The following IL11RA variants were observed in gnomAD, a reference collection of about 807,000 sequenced individuals.
The protein encoded by IL11RA is interleukin-11 receptor subunit alpha.
IL11RA carries 51 observed loss-of-function variants against 57.0 expected under a neutral mutation model. That is an observed-to-expected ratio of 0.89 (90% CI 0.71 to 1.13). The LOEUF (loss-of-function observed/expected upper bound fraction) is 1.13. Ranked by LOEUF, IL11RA falls within the 50% of genes most tolerant of loss-of-function variation. The pLI is 0.00. For missense variants in IL11RA, 498 were observed against 539.4 expected (o/e 0.92, Z 0.76); for synonymous variants, 199 against 217.5 (o/e 0.91, Z 0.75).
In IL11RA at chr9:34,660,353, T is replaced by TC; in HGVS notation, c.1034dup (p.Pro346SerfsTer13). 1 of 1,614,162 alleles carries TC rather than the reference T, an allele frequency of 6.2e-7. No homozygotes were observed. Among genetic ancestry groups the TC allele is most frequent in the South Asian group, 1.1e-5 (1 of 91,080 alleles). Reference sequence around the variant, plus strand: ...TGGAGCCTCAGGTGGACAGCCCTGCTCCTCCAAGGCCCTCCCTCCAACCAC... The same window carrying TC: ...TGGAGCCTCAGGTGGACAGCCCTGCTCCCTCCAAGGCCCTCCCTCCAACCAC... On this transcript the variant is annotated frameshift_variant, in exon 10 of 13. Transcript: ENST00000441545. LOFTEE classifies it high-confidence loss of function.
chr9:34,660,559 T>G lies in IL11RA; in HGVS notation c.1128T>G (p.Ser376=). 1.2e-6 allele frequency: 2 copies of G among 1,614,192 alleles called. No individual in the cohort carries two copies. The highest frequency in any genetic ancestry group is 2.7e-5 in the African/African-American group (2 of 75,038). The change falls in exon 11 of 13, where the codon TCT becomes TCG. Residue 376 remains serine, a synonymous_variant. Coordinates refer to ENST00000441545, the MANE Select transcript of IL11RA (RefSeq NM_001142784.3). ...VAVLASLGIL[S]FLGLVAGALA... is the part of the protein sequence containing the mutation. ...TGCTGGCGTCTTTGGGAATCCTTTC[T>G]TTCCTGGGACTGGTGGCTGGGGCCC...
rs145952217 is a variant in IL11RA at position 34,653,297 on chromosome 9, C to T, written c.-1+1064C>T. ...CTGTGCCCGTGTGACTGTGAGTGAC[C>T]GCATGTGAGAGTGTATGAGTCTGAG... On this transcript the variant is annotated intron_variant, in intron 1 of 12. Transcript: ENST00000441545. The surrounding 1 kb of genome is among the most constrained non-coding windows in gnomAD (Gnocchi z 4.5). 3.1e-3 allele frequency among the ~76,000 whole-genome samples: 470 copies of T among 152,176 alleles called. 3 individuals are homozygous for T. The highest frequency in any genetic ancestry group is 0.01 in the African/African-American group (433 of 41,508).
At chr9:34,655,991 A>G in intron 3 of IL11RA, 1 of 397,868 alleles carries the variant, frequency 2.5e-6, no homozygotes, top group South Asian at 2.3e-5. Context: ...GCAGGGCAGA[A>G]AAACCAAAGT....
rs764413860 is a variant in IL11RA at position 34,657,467 on chromosome 9, G to A, written c.526G>A (p.Gly176Arg). Residue 176 changes from glycine (G) to arginine (R), a missense_variant, in exon 7 of 13, where the codon GGG becomes AGG. Coordinates refer to ENST00000441545, the MANE Select transcript of IL11RA (RefSeq NM_001142784.3). ...GPWPCPQDPL[G>R]AARCVVHGAE... ...CTGGCCATGCCCACAGGATCCCCTA[G>A]GGGCTGCCCGCTGTGTTGTCCACGG... The A allele has an allele frequency of 6.2e-7, 1 of 1,614,184 alleles. No homozygotes were observed. The highest frequency in any genetic ancestry group is 1.7e-5 in the Admixed American group (1 of 60,036).
rs1488280771 is a variant in IL11RA, at chr9:34,656,656, A to G, written c.162-83A>G. ...TTTGGGTTCTATTGCAAATGCAGTT[A>G]GAAGCCAATGGAGAGCTGTGGCATG... On this transcript the variant is annotated intron_variant, in intron 3 of 12. Transcript: ENST00000441545. The G allele has an allele frequency of 3.3e-6, 5 of 1,506,702 alleles. No individual in the cohort carries two copies. The South Asian group carries it at 5.6e-5, about 17-fold the overall frequency. 93.3% of individuals were successfully genotyped at this position (1,506,702 alleles called of 1,614,324 possible). A position where few individuals can be genotyped will look rare whatever the true frequency, so the allele number is the denominator to read the frequency against.
Position 34,661,660 on chromosome 9 carries a change from G to C in IL11RA, c.*162G>C. On this transcript the variant is annotated 3_prime_UTR_variant, in exon 13 of 13. Coordinates refer to ENST00000441545, the MANE Select transcript of IL11RA (RefSeq NM_001142784.3). ...TGTATTTCAAATTTGCAGCTGAAAG[G>C]TGCTTGTACCTCTGATTTCACCCCA... The C allele has an allele frequency of 1.2e-6, 1 of 829,830 alleles. No individual in the cohort carries two copies. The highest frequency in any genetic ancestry group is 2.0e-6 in the Non-Finnish European group (1 of 493,334). 51.4% of individuals were successfully genotyped at this position (829,830 alleles called of 1,614,324 possible).
At chr9:34,655,467 C>T (rs1373248358) in intron 2 of IL11RA, 138 bp from the exon 3 acceptor site, 3 of 891,638 alleles carry the variant, frequency 3.4e-6, no homozygotes, top group East Asian at 5.2e-5. Context: ...TGACCTCTGT[C>T]TCCAGATTAT....
chr9:34,657,715 G>C lies in IL11RA; in HGVS notation c.646+128G>C, dbSNP rs1821375626. The stretch of plus-strand genomic sequence containing the variant: ...CTCCATTTCACACAGAGAAGGCCCT[G>C]TGGAGCCTGAGAAGGCAAAGGGATC... On this transcript the variant is annotated intron_variant, in intron 7 of 12. Coordinates refer to ENST00000441545, the MANE Select transcript of IL11RA (RefSeq NM_001142784.3). 11 of 937,610 alleles carry C rather than the reference G, an allele frequency of 1.2e-5. No homozygotes were observed. In the South Asian group the frequency reaches 1.6e-4, roughly 14 times the overall value. 58.1% of individuals were successfully genotyped at this position (937,610 alleles called of 1,614,324 possible).
chr9:34,654,136 C>T (rs1433746222), intron 1 of IL11RA: 1 of 152,924 alleles, frequency 6.5e-6, no homozygotes, highest in African/African-American at 2.4e-5. Context: ...TGCTCTTCCT[C>T]TTCTGGTCTT....
chr9:34,660,256 G>C lies in IL11RA; in HGVS notation c.953-18G>C. 1.2e-6 allele frequency: 2 copies of C among 1,614,114 alleles called. No homozygotes were observed. The highest frequency in any genetic ancestry group is 1.7e-6 in the Non-Finnish European group (2 of 1,180,004). On this transcript the variant is annotated intron_variant, in intron 9 of 12. Coordinates refer to ENST00000441545, the MANE Select transcript of IL11RA (RefSeq NM_001142784.3). ...CCCACCAGCGTATGGACACTTATTGGGTCTTGCCTTCCTTTAGGGACCATA... is the reference window on the plus strand; with the variant it reads ...CCCACCAGCGTATGGACACTTATTGCGTCTTGCCTTCCTTTAGGGACCATA...
intron 9 of IL11RA, 131 bp downstream of exon 9, chr9:34,660,031 C>A: frequency 7.6e-7 from 1 of 1,316,964 alleles, no homozygotes; most frequent in Non-Finnish European, 1.1e-6. Flanking sequence ...TCCCAGACTT[C>A]AGACTTGTTT....
At chr9:34,654,284 T>C (rs1821301249) in intron 1 of IL11RA, among the ~76,000 whole-genome samples, 1 of 152,074 alleles carries the variant, frequency 6.6e-6, no homozygotes, top group Non-Finnish European at 1.5e-5. Context: ...TGTTAGCTTT[T>C]TGAGTTTCCG....
At chr9:34,659,502 C>T (rs1222665093) in intron 8 of IL11RA, among the ~76,000 whole-genome samples, 1 of 152,178 alleles carries the variant, frequency 6.6e-6, no homozygotes, top group African/African-American at 2.4e-5. Context: ...CAGAGAGGCC[C>T]AAAGGGTCAT....
At chr9:34,655,493 T>A in intron 2 of IL11RA, 112 bp from the exon 3 acceptor site, 1 of 970,186 alleles carries the variant, frequency 1.0e-6, no homozygotes, top group Non-Finnish European at 1.6e-6. Context: ...GATGCTTTGA[T>A]CCAGTGAGCC....
At chr9:34,657,990 G>A (rs1173118624) in intron 7 of IL11RA, among the ~76,000 whole-genome samples, 1 of 152,176 alleles carries the variant, frequency 6.6e-6, no homozygotes, top group South Asian at 2.1e-4. Context: ...CACTCAAGAA[G>A]CACTTCAAAA....
chr9:34,660,702 G>T, intron 11 of IL11RA, 102 bp downstream of exon 11: 1 of 1,233,024 alleles, frequency 8.1e-7, no homozygotes, highest in Non-Finnish European at 1.2e-6. Flanking sequence ...CGCTGAACCT[G>T]TCTGATTCTG....
chr9:34,657,361 G>T (rs1265408875), intron 6 of IL11RA, 26 bp downstream of exon 6: 4 of 1,613,978 alleles, frequency 2.5e-6, no homozygotes, highest in Middle Eastern at 3.3e-4. Context: ...GCATGTGGGG[G>T]CTCCAGCTGG....
In IL11RA at chr9:34,658,560, A is replaced by G. The variant is rs370396909; in HGVS notation, c.687A>G (p.Val229=). Reference sequence around the variant, plus strand: ...CCCAGGGCCTGCGGGTAGAGTCAGTACCAGGTTACCCCCGACGCCTGCGAG... The same window carrying G: ...CCCAGGGCCTGCGGGTAGAGTCAGTGCCAGGTTACCCCCGACGCCTGCGAG... The part of the protein sequence containing the change: ...DPPQGLRVES[V]PGYPRRLRAS... Residue 229 remains valine (V), a synonymous_variant, in exon 8 of 13, where the codon GTA becomes GTG. Coordinates refer to ENST00000441545, the MANE Select transcript of IL11RA (RefSeq NM_001142784.3). The surrounding 1 kb of genome is among the most constrained non-coding windows in gnomAD (Gnocchi z 4.0). The G allele has an allele frequency of 2.5e-6, 4 of 1,613,992 alleles. No individual in the cohort carries two copies. In the African/African-American group the frequency reaches 4.0e-5, roughly 16 times the overall value.
Position 34,660,404 on chromosome 9 carries a change from G to A in IL11RA, c.1072+11G>A, listed in dbSNP as rs757247306. On this transcript the variant is annotated intron_variant, in intron 10 of 12. Transcript: ENST00000441545. ...ACCCTCGGCTACTTGGTGAGCTTGG[G>A]CAGATGGGCAAGACTTGTAAAGGAC... 1 of 1,613,982 alleles carries A rather than the reference G, an allele frequency of 6.2e-7. No individual in the cohort carries two copies. Among genetic ancestry groups the A allele is most frequent in the Non-Finnish European group, 8.5e-7 (1 of 1,179,918 alleles).
Sources: allele counts gnomAD v4.1 joint callset (sites outside exome capture counted in the v4.1 genomes callset), GRCh38; gene constraint gnomAD v4.1.1; non-coding constraint Gnocchi (gnomAD v3.1); transcripts MANE v1.5; gene names NCBI Gene and HGNC (gene_info 2026-07-23, HGNC 2026-07-21).